Variants in RBFOX1 observed in about 807,000 individuals in gnomAD.
RBFOX1 encodes the protein RNA binding protein fox-1 homolog 1.
A neutral mutation model predicts 57.7 loss-of-function variants in RBFOX1; 8 were observed. The observed-to-expected ratio is 0.14, with a 90% CI of 0.08 to 0.25. RBFOX1 has a LOEUF of 0.25. Among genes scored for constraint, RBFOX1 ranks in the 10% least tolerant of loss-of-function variants. The probability of loss-of-function intolerance (pLI) is 1.00; values close to 1 mark genes in which losing one functional copy is unlikely to be tolerated. For missense variants in RBFOX1, 611 were observed against 548.5 expected, an observed-to-expected ratio of 1.11 and a Z score of -1.14; for synonymous variants, 326 against 222.4, an observed-to-expected ratio of 1.47 and a Z score of -4.15.
At chr16:5,672,307 A>G (rs2050036205) in intron 3 of RBFOX1, among the ~76,000 whole-genome samples, 1 of 152,144 alleles carries the variant, frequency 6.6e-6, no homozygotes, top group Admixed American at 6.6e-5. Context: ...AACCTGCCCC[A>G]GGTTATTCTG....
intron 2 of RBFOX1, among the ~76,000 whole-genome samples, chr16:5,545,672 CT>C (rs2045166302): frequency 6.6e-6 from 1 of 151,962 alleles, no homozygotes; most frequent in Non-Finnish European, 1.5e-5. Context: ...AAAAAAACCC[CT>C]CATCAAGTAG....
In RBFOX1 at chr16:6,593,615, T is replaced by C. The variant is rs78952407; in HGVS notation, c.-63-60988T>C. On this transcript the variant is annotated intron_variant, in intron 2 of 15. Transcript: ENST00000550418. Reference sequence around the variant, plus strand: ...ATGATAGAATTCCTGGTTTTCAAATTATGCTGGTAATGTGAGTGCCCTGTT... The same window carrying C: ...ATGATAGAATTCCTGGTTTTCAAATCATGCTGGTAATGTGAGTGCCCTGTT... 5.0e-3 allele frequency among the ~76,000 whole-genome samples: 764 copies of C among 152,308 alleles called. 23 individuals are homozygous for C. In the South Asian group the frequency reaches 0.085, roughly 17 times the overall value.
At chr16:5,775,947 G>A (rs1181746483) in intron 3 of RBFOX1, among the ~76,000 whole-genome samples, 1 of 152,152 alleles carries the variant, frequency 6.6e-6, no homozygotes, top group Non-Finnish European at 1.5e-5. Flanking sequence ...TCTTGTCTGG[G>A]TTACACATTT....
At chr16:5,837,447 T>C (rs1217406128) in intron 3 of RBFOX1, among the ~76,000 whole-genome samples, 1 of 151,902 alleles carries the variant, frequency 6.6e-6, no homozygotes, top group Admixed American at 6.6e-5. Context: ...TTCTGAGAGA[T>C]TGCATAAGCT....
At chr16:7,240,916 G>C (rs2094022226) in intron 4 of RBFOX1, among the ~76,000 whole-genome samples, 1 of 152,148 alleles carries the variant, frequency 6.6e-6, no homozygotes. Flanking sequence ...TGTTGCTTTA[G>C]ATCTTAAACA....
chr16:7,705,145 AGGTGGAG>A (rs2082027932), intron 14 of RBFOX1, among the ~76,000 whole-genome samples: 1 of 152,046 alleles, frequency 6.6e-6, no homozygotes, highest in African/African-American at 2.4e-5. Context: ...GATGAAAGTC[AGGTGGAG>A]GGTGAGCAAG....
At chr16:6,307,227 T>C (rs2152753982) in intron 1 of RBFOX1, among the ~76,000 whole-genome samples, 1 of 152,194 alleles carries the variant, frequency 6.6e-6, no homozygotes. Flanking sequence ...GTAAAGTGCC[T>C]AGTACATGGT....
chr16:6,712,893 T>TG (rs2063984010), intron 3 of RBFOX1, among the ~76,000 whole-genome samples: 1 of 124,682 alleles, frequency 8.0e-6, no homozygotes, highest in Non-Finnish European at 1.9e-5. Flanking sequence ...GTTTTTTTTT[T>TG]TTTTTTTTTT....
At chr16:7,338,671 T>C (rs147835031) in intron 4 of RBFOX1, among the ~76,000 whole-genome samples, 1 of 152,344 alleles carries the variant, frequency 6.6e-6, no homozygotes, top group Non-Finnish European at 1.5e-5. Flanking sequence ...CGTATGTATT[T>C]TATGAGACAT....
At chr16:6,852,987 T>C (rs1237903076) in intron 3 of RBFOX1, among the ~76,000 whole-genome samples, 1 of 152,174 alleles carries the variant, frequency 6.6e-6, no homozygotes, top group Non-Finnish European at 1.5e-5. Context: ...CCCAGCACCC[T>C]ATGGATGGAC....
chr16:6,925,035 G>A (rs1287807458), intron 3 of RBFOX1, among the ~76,000 whole-genome samples: 1 of 142,844 alleles, frequency 7.0e-6, no homozygotes, highest in African/African-American at 2.6e-5. Flanking sequence ...TTTTATGGCT[G>A]CATAATATTC....
At chr16:5,699,350 T>C (rs55762934) in intron 3 of RBFOX1, among the ~76,000 whole-genome samples, 3,461 of 139,688 alleles carry the variant, frequency 0.025, 140 homozygotes, top group African/African-American at 0.085. Context: ...ATTATTAAAC[T>C]ATATTTTCCC....
intron 2 of RBFOX1, among the ~76,000 whole-genome samples, chr16:6,641,141 C>T (rs964306722): frequency 6.6e-6 from 1 of 152,174 alleles, no homozygotes; most frequent in Non-Finnish European, 1.5e-5. Flanking sequence ...AATGAAGGTG[C>T]CTATCAAAGT....
chr16:5,651,298 C>T lies in RBFOX1; in HGVS notation c.318+52337C>T, dbSNP rs1374033371. ...GAACTCCTGGCCTCACGTGACCCACCTGCCTTGGCCTCCCAGAGTGCTGGG... is the reference window on the plus strand; with the variant it reads ...GAACTCCTGGCCTCACGTGACCCACTTGCCTTGGCCTCCCAGAGTGCTGGG... On this transcript the variant is annotated intron_variant, in intron 3 of 19. Coordinates refer to the RBFOX1 transcript ENST00000641259. Among the ~76,000 whole-genome samples the T allele has an allele frequency of 2.6e-5, 4 of 152,046 alleles. No individual in the cohort carries two copies. In the East Asian group the frequency reaches 7.7e-4, roughly 29 times the overall value.
chr16:7,146,045 A>G (rs899308), intron 4 of RBFOX1, among the ~76,000 whole-genome samples: 21,428 of 152,158 alleles, frequency 0.14, 1,769 homozygotes, highest in East Asian at 0.34. Context: ...TAAAACTGCT[A>G]ACTTCCCACT....
intron 2 of RBFOX1, among the ~76,000 whole-genome samples, chr16:5,493,270 C>T (rs2151676307): frequency 6.6e-6 from 1 of 152,290 alleles, no homozygotes; most frequent in Admixed American, 6.5e-5. Flanking sequence ...TGGGATCTCA[C>T]TATGTTACTC....
At position 5,295,265 on chromosome 16, in the gene RBFOX1, C is replaced by G. The variant is rs372098276; in HGVS notation, c.219+55160C>G. On this transcript the variant is annotated intron_variant, in intron 1 of 2. Coordinates refer to the RBFOX1 transcript ENST00000585867. ...CCCTGGGGAGACTGAGACCAGAACT[C>G]TGAAATCAGAGCTCAAATCCAGGTT... Among the ~76,000 whole-genome samples the G allele has an allele frequency of 6.6e-5, 10 of 152,182 alleles. No homozygotes were observed. The East Asian group carries it at 9.7e-4, about 15-fold the overall frequency.
intron 2 of RBFOX1, among the ~76,000 whole-genome samples, chr16:6,459,570 C>A (rs1042949664): frequency 6.6e-6 from 1 of 151,972 alleles, no homozygotes; most frequent in African/African-American, 2.4e-5. Flanking sequence ...TTTTAATTAC[C>A]CTATATCTCA....
intron 3 of RBFOX1, among the ~76,000 whole-genome samples, chr16:6,978,877 G>C (rs148757276): frequency 1.3e-5 from 2 of 152,150 alleles, no homozygotes; most frequent in Non-Finnish European, 2.9e-5. Context: ...TTTTTGCCCT[G>C]ATGATGCTTT....
Sources: allele counts gnomAD v4.1 joint callset (sites outside exome capture counted in the v4.1 genomes callset), GRCh38; gene constraint gnomAD v4.1.1; transcripts MANE v1.5; gene names NCBI Gene and HGNC (gene_info 2026-07-23, HGNC 2026-07-21).